The following MAML3 variants were observed in gnomAD, a reference collection of about 807,000 sequenced individuals.
MAML3 encodes the protein mastermind like transcriptional coactivator 3, also known as mastermind-like protein 3.
A neutral mutation model predicts 101.9 loss-of-function variants in MAML3; 27 were observed. The observed-to-expected ratio is 0.27, with a 90% CI of 0.20 to 0.37. MAML3 has a LOEUF of 0.37. MAML3 is among the 10% of genes least tolerant of loss of function. The probability of loss-of-function intolerance (pLI) is 1.00; values close to 1 mark genes in which losing one functional copy is unlikely to be tolerated. For missense variants in MAML3, 1,316 were observed against 1,444.9 expected (o/e 0.91, Z 1.45); for synonymous variants, 501 against 555.9 (o/e 0.90, Z 1.39).
chr4:139,994,532 T>C (rs983782651), intron 1 of MAML3, among the ~76,000 whole-genome samples: 3 of 152,084 alleles, frequency 2.0e-5, no homozygotes, highest in Admixed American at 1.3e-4. Context: ...AGGTGGTGCA[T>C]GCCTGAAGTT....
At chr4:140,081,658 A>G (rs943436457) in intron 1 of MAML3, among the ~76,000 whole-genome samples, 2 of 152,180 alleles carry the variant, frequency 1.3e-5, no homozygotes, top group Non-Finnish European at 2.9e-5. Flanking sequence ...TCTCATTGGC[A>G]TGATTTTATC....
chr4:139,793,668 G>A (rs1730461055), intron 2 of MAML3, among the ~76,000 whole-genome samples: 1 of 152,156 alleles, frequency 6.6e-6, no homozygotes, highest in Non-Finnish European at 1.5e-5. Context: ...GCTTTGCCTA[G>A]GTTCACCTGA....
chr4:140,003,932 T>C (rs1726392263), intron 1 of MAML3, among the ~76,000 whole-genome samples: 1 of 152,218 alleles, frequency 6.6e-6, no homozygotes, highest in South Asian at 2.1e-4. Context: ...TTAAGAGCCC[T>C]GTCAACTCAA....
chr4:140,023,119 T>G (rs1187825724), intron 1 of MAML3, among the ~76,000 whole-genome samples: 1 of 152,190 alleles, frequency 6.6e-6, no homozygotes, highest in African/African-American at 2.4e-5. Flanking sequence ...TTTGACCATA[T>G]AATCCTTTTT....
At chr4:139,848,905 G>T (rs1432269728) in intron 2 of MAML3, among the ~76,000 whole-genome samples, 1 of 152,128 alleles carries the variant, frequency 6.6e-6, no homozygotes, top group Non-Finnish European at 1.5e-5. Context: ...ATGATTTTGG[G>T]CTCAGATTAT....
chr4:140,063,637 G>C (rs949991404), intron 1 of MAML3, among the ~76,000 whole-genome samples: 3 of 152,060 alleles, frequency 2.0e-5, no homozygotes, highest in Admixed American at 6.6e-5. Flanking sequence ...ATTTAAGCTT[G>C]TTTAAAACAC....
Position 140,024,296 on chromosome 4 carries a change from C to A in MAML3, c.468+128564G>T, listed in dbSNP as rs559335996. On this transcript the variant is annotated intron_variant, in intron 1 of 4. Coordinates refer to ENST00000509479, the MANE Select transcript of MAML3 (RefSeq NM_018717.5). ...AGGCTGGAGTGCAGTGGTGCTATCA[C>A]AGCTCACTGCAGCCTCAAACTCCTG... Among the ~76,000 whole-genome samples the A allele has an allele frequency of 7.3e-5, 11 of 151,700 alleles. No individual in the cohort carries two copies. In the South Asian group the frequency reaches 2.1e-3, roughly 29 times the overall value.
chr4:139,818,050 C>T (rs1730919157), intron 2 of MAML3, among the ~76,000 whole-genome samples: 1 of 152,234 alleles, frequency 6.6e-6, no homozygotes, highest in South Asian at 2.1e-4. Flanking sequence ...CTGGGCACCA[C>T]TCCTGAGAAT....
rs151209944 is a variant in MAML3 at position 139,777,306 on chromosome 4, A to G, written c.2080-46639T>C. On this transcript the variant is annotated intron_variant, in intron 2 of 4. Transcript: ENST00000509479. ...AATACCAACATCTACTGTGTTGGCC[A>G]AGTAAACATTTCAAGAAATCATTCA... 2.3e-3 allele frequency among the ~76,000 whole-genome samples: 344 copies of G among 152,326 alleles called. 1 individual carries two copies. The highest frequency in any genetic ancestry group is 7.9e-3 in the African/African-American group (328 of 41,568).
intron 1 of MAML3, among the ~76,000 whole-genome samples, chr4:139,904,210 T>G (rs1464146033): frequency 6.6e-6 from 1 of 152,244 alleles, no homozygotes; most frequent in East Asian, 1.9e-4. Flanking sequence ...TAAATTGCTC[T>G]TGTTGAAGCC....
chr4:139,982,564 A>C (rs900958855), intron 1 of MAML3, among the ~76,000 whole-genome samples: 1 of 152,142 alleles, frequency 6.6e-6, no homozygotes, highest in African/African-American at 2.4e-5. Context: ...CTAACCTACC[A>C]CATAGGTTAG....
intron 2 of MAML3, among the ~76,000 whole-genome samples, chr4:139,826,606 C>T (rs977845159): frequency 6.6e-6 from 1 of 152,172 alleles, no homozygotes; most frequent in Non-Finnish European, 1.5e-5. Context: ...CCTGTTCCCT[C>T]AGACAACTAT....
At position 139,762,145 on chromosome 4, in the gene MAML3, T is replaced by C. The variant is rs115784040; in HGVS notation, c.2080-31478A>G. Among the ~76,000 whole-genome samples the C allele has an allele frequency of 8.9e-4, 135 of 152,286 alleles. 1 individual carries two copies. Among genetic ancestry groups the C allele is most frequent in the African/African-American group, 3.2e-3 (132 of 41,536 alleles). On this transcript the variant is annotated intron_variant, in intron 2 of 4. Transcript: ENST00000509479. ...CTAGTCCCTGGCCTCTAGAAAATAT[T>C]TGTGCAATTGTATGTTTCATTACCA...
intron 1 of MAML3, among the ~76,000 whole-genome samples, chr4:139,927,739 C>G (rs962581322): frequency 7.9e-6 from 1 of 126,994 alleles, no homozygotes; most frequent in African/African-American, 2.9e-5. Flanking sequence ...TGTCTTTGGC[C>G]ATGGGAACAC....
chr4:140,130,388 A>G (rs1364815907), intron 1 of MAML3, among the ~76,000 whole-genome samples: 2 of 152,236 alleles, frequency 1.3e-5, no homozygotes, highest in Non-Finnish European at 2.9e-5. Flanking sequence ...AAAGAAGTTC[A>G]ACTAAAAGTG....
chr4:140,015,559 T>C (rs1479545504), intron 1 of MAML3, among the ~76,000 whole-genome samples: 2 of 152,228 alleles, frequency 1.3e-5, no homozygotes, highest in Admixed American at 1.3e-4. Context: ...GCTTTCTCCC[T>C]GATACCACGA....
intron 2 of MAML3, among the ~76,000 whole-genome samples, chr4:139,741,724 G>A (rs1729171036): frequency 6.6e-6 from 1 of 152,198 alleles, no homozygotes; most frequent in South Asian, 2.1e-4. Context: ...TCCAGCTTGG[G>A]TGACAGAGTG....
chr4:139,726,097 A>G (rs920912750), intron 3 of MAML3, among the ~76,000 whole-genome samples: 6 of 151,818 alleles, frequency 4.0e-5, no homozygotes, highest in Non-Finnish European at 8.8e-5. Context: ...TCCAGTCATC[A>G]CTCTCCCTTG....
At chr4:139,998,584 C>T (rs1734863552) in intron 1 of MAML3, among the ~76,000 whole-genome samples, 1 of 152,154 alleles carries the variant, frequency 6.6e-6, no homozygotes, top group African/African-American at 2.4e-5. Flanking sequence ...TCTGGGGACA[C>T]TCAGATTCTA....
Sources: gnomAD v4.1 joint callset for allele counts (sites outside exome capture counted in the v4.1 genomes callset) on GRCh38, gnomAD v4.1.1 for gene constraint, MANE v1.5 for transcripts, NCBI Gene and HGNC (gene_info 2026-07-23, HGNC 2026-07-21) for gene names.